Variants in PI4KA observed in about 807,000 individuals in gnomAD.
The protein encoded by PI4KA is PI4-kinase alpha.
In PI4KA, 122 loss-of-function variants were observed where a neutral mutation model predicts 271.4. That is an observed-to-expected ratio of 0.45 (90% CI 0.39 to 0.52). The LOEUF (loss-of-function observed/expected upper bound fraction) is 0.52. PI4KA is among the 20% of genes least tolerant of loss of function. PI4KA has a pLI of 0.00. For missense variants in PI4KA, 1,969 were observed against 2,769.1 expected (o/e 0.71, Z 6.48); for synonymous variants, 1,041 against 1,078.8 (o/e 0.96, Z 0.69).
chr22:20,753,097 T>C lies in PI4KA; in HGVS notation c.2862+13A>G. On this transcript the variant is annotated intron_variant, in intron 24 of 54. Coordinates refer to ENST00000255882, the MANE Select transcript of PI4KA (RefSeq NM_058004.4). ...CCAGCAGACAGACACGCATTCATGC[T>C]GGAGAGGCTTACTTTATCCGCCATC... The C allele has an allele frequency of 6.2e-7, 1 of 1,614,228 alleles. No individual in the cohort carries two copies. The highest frequency in any genetic ancestry group is 8.5e-7 in the Non-Finnish European group (1 of 1,180,040).
intron 32 of PI4KA, 55 bp from the exon 33 acceptor site, chr22:20,734,608 G>C: frequency 2.7e-6 from 4 of 1,507,494 alleles, no homozygotes; most frequent in Non-Finnish European, 3.6e-6. Context: ...AGGGGCTACT[G>C]TCAAGTTTTC....
intron 36 of PI4KA, 141 bp from the exon 37 acceptor site, chr22:20,730,152 C>T: frequency 1.2e-6 from 1 of 857,648 alleles, no homozygotes; most frequent in Non-Finnish European, 1.8e-6. Context: ...ACTGCAGGAA[C>T]AAATCTGTCT....
At chr22:20,842,761 C>T (rs900682540) in intron 1 of PI4KA, among the ~76,000 whole-genome samples, 6 of 148,890 alleles carry the variant, frequency 4.0e-5, no homozygotes, top group Admixed American at 3.4e-4. Flanking sequence ...AGCAGTGAGC[C>T]GAGATTGTGC....
chr22:20,774,077 C>T (rs1033282624), intron 19 of PI4KA: 2 of 152,202 alleles, frequency 1.3e-5, no homozygotes, highest in Admixed American at 6.5e-5. Context: ...CACCAAAGTT[C>T]ACATCAAAAT....
In PI4KA at chr22:20,717,378, C is replaced by T. The variant is rs376425605; in HGVS notation, c.5317+330G>A. Among the ~76,000 whole-genome samples, 199 of 152,380 alleles carry T rather than the reference C, an allele frequency of 1.3e-3. 2 individuals carry two copies. The South Asian group carries it at 0.036, about 27-fold the overall frequency. ...TCCCACACTGGGCCCGCCATCCCCT[C>T]GTCTGTGTGACCTGCTCCTGTAATG... On this transcript the variant is annotated intron_variant, in intron 45 of 54. Coordinates refer to ENST00000255882, the MANE Select transcript of PI4KA (RefSeq NM_058004.4).
At chr22:20,813,054 G>A (rs550439415) in intron 8 of PI4KA, among the ~76,000 whole-genome samples, 3 of 152,288 alleles carry the variant, frequency 2.0e-5, no homozygotes, top group Non-Finnish European at 4.4e-5. Flanking sequence ...AGAATCCCTG[G>A]ACTGGATGCA....
chr22:20,734,811 G>A, intron 32 of PI4KA: 2 of 571,124 alleles, frequency 3.5e-6, no homozygotes, highest in South Asian at 2.1e-5. Context: ...GCAGGTGTGA[G>A]GTGGCAGCAC....
intron 7 of PI4KA, among the ~76,000 whole-genome samples, chr22:20,815,955 G>A (rs1363646755): frequency 6.7e-6 from 1 of 149,334 alleles, no homozygotes; most frequent in Non-Finnish European, 1.5e-5. Context: ...TTTTTTTCCT[G>A]TGAGACAAGA....
chr22:20,812,930 C>T (rs1921255623), intron 8 of PI4KA, among the ~76,000 whole-genome samples: 1 of 152,084 alleles, frequency 6.6e-6, no homozygotes, highest in African/African-American at 2.4e-5. Flanking sequence ...CTGGTATCAC[C>T]CTCAATGTCA....
chr22:20,748,523 G>A lies in PI4KA; in HGVS notation c.3244-821C>T, dbSNP rs77196015. Among the ~76,000 whole-genome samples the A allele has an allele frequency of 8.1e-3, 1,235 of 152,342 alleles. 17 individuals carry two copies. The highest frequency in any genetic ancestry group is 0.028 in the African/African-American group (1,176 of 41,568). ...ACCTGGCAGAGCCCAGGGGTGTGAG[G>A]GAGGCCTCCTGCTCTGGGGACCACA... On this transcript the variant is annotated intron_variant, in intron 28 of 54. Coordinates refer to ENST00000255882, the MANE Select transcript of PI4KA (RefSeq NM_058004.4).
At chr22:20,750,253 A>G (rs1482431041) in intron 27 of PI4KA, among the ~76,000 whole-genome samples, 1 of 152,170 alleles carries the variant, frequency 6.6e-6, no homozygotes, top group Non-Finnish European at 1.5e-5. Context: ...ACACACAGAA[A>G]TACTGGGGCA....
chr22:20,785,067 C>CCTTTTTTT (rs1555894633), intron 19 of PI4KA, among the ~76,000 whole-genome samples: 2 of 134,452 alleles, frequency 1.5e-5, no homozygotes, highest in Non-Finnish European at 1.6e-5. Flanking sequence ...GGGACTGCAT[C>CCTTTTTTT]TTTTTTTTTT....
chr22:20,719,943 G>A (rs1188163643), intron 43 of PI4KA, among the ~76,000 whole-genome samples: 4 of 149,840 alleles, frequency 2.7e-5, no homozygotes, highest in African/African-American at 9.9e-5. Context: ...GGAGAATGGC[G>A]TGAACCTGGG....
chr22:20,751,280 G>T lies in PI4KA; in HGVS notation c.3153+13C>A, dbSNP rs750859472. On this transcript the variant is annotated intron_variant, in intron 27 of 54. Transcript: ENST00000255882. ...AAGATGGCCCTTAGTGCAGGGGATC[G>T]TGTCGGGCCTACCTCACGGGCTTCG... 1 of 1,606,542 alleles carries T rather than the reference G, an allele frequency of 6.2e-7. No homozygotes were observed. The highest frequency in any genetic ancestry group is 1.3e-5 in the African/African-American group (1 of 74,892).
intron 19 of PI4KA, chr22:20,784,189 C>G (rs528589590): frequency 6.2e-7 from 1 of 1,614,136 alleles, no homozygotes; most frequent in South Asian, 1.1e-5. Flanking sequence ...TGAAGACCCT[C>G]GAAGCGCAAC....
intron 50 of PI4KA, chr22:20,712,220 G>T: frequency 4.5e-6 from 1 of 222,942 alleles, no homozygotes; most frequent in Non-Finnish European, 7.5e-6. Flanking sequence ...ACTATGCCCA[G>T]CTAATTTTTG....
At chr22:20,804,162 A>C in intron 12 of PI4KA, 138 bp downstream of exon 12, 1 of 646,976 alleles carries the variant, frequency 1.5e-6, no homozygotes, top group Non-Finnish European at 2.8e-6. Context: ...CACAGCACGC[A>C]CTGGTTAAAG....
intron 23 of PI4KA, among the ~76,000 whole-genome samples, chr22:20,759,530 A>G (rs1258846068): frequency 6.9e-6 from 1 of 144,904 alleles, no homozygotes; most frequent in African/African-American, 2.6e-5. Context: ...CAGCCTCCCC[A>G]GCAGCTGGGA....
intron 3 of PI4KA, among the ~76,000 whole-genome samples, chr22:20,826,330 G>A (rs1038728430): frequency 5.3e-5 from 8 of 152,124 alleles, no homozygotes; most frequent in East Asian, 1.9e-4. Context: ...GTGACAGAGC[G>A]AGATCGTCTC....
Sources: gnomAD v4.1 joint callset for allele counts (sites outside exome capture counted in the v4.1 genomes callset) on GRCh38, gnomAD v4.1.1 for gene constraint, MANE v1.5 for transcripts, NCBI Gene and HGNC (gene_info 2026-07-23, HGNC 2026-07-21) for gene names.